NUP210: variants seen among roughly 807,000 people sequenced by gnomAD.
NUP210 encodes nuclear pore membrane glycoprotein 210.
NUP210 carries 151 observed loss-of-function variants against 196.0 expected under a neutral mutation model. That is an observed-to-expected ratio of 0.77 (90% confidence interval 0.67 to 0.88). The LOEUF (loss-of-function observed/expected upper bound fraction) is 0.88, where lower values mean the gene tolerates loss of function less well. NUP210 is among the 40% of genes least tolerant of loss of function. NUP210 has a pLI of 0.00. For synonymous variants in NUP210, 1,070 were observed against 1,052.7 expected (o/e 1.02, Z -0.32); for missense variants, 2,314 against 2,493.7 (o/e 0.93, Z 1.53).
intron 1 of NUP210, among the ~76,000 whole-genome samples, chr3:13,404,450 G>A (rs1218113045): frequency 6.6e-6 from 1 of 152,164 alleles, no homozygotes; most frequent in Non-Finnish European, 1.5e-5. Flanking sequence ...TCTGATGGTA[G>A]GAATATGGGT....
At chr3:13,359,653 T>G (rs374781663) in intron 15 of NUP210, among the ~76,000 whole-genome samples, 1 of 152,108 alleles carries the variant, frequency 6.6e-6, no homozygotes, top group Non-Finnish European at 1.5e-5. Context: ...AACAGAGCAG[T>G]AGATGCCCAC....
chr3:13,333,962 G>A (rs1257840451), intron 28 of NUP210, among the ~76,000 whole-genome samples: 2 of 152,194 alleles, frequency 1.3e-5, no homozygotes, highest in African/African-American at 4.8e-5. Context: ...GGGAGTGGCG[G>A]GGCCTGTGGC....
intron 29 of NUP210, among the ~76,000 whole-genome samples, chr3:13,332,027 C>A (rs1559310720): frequency 6.6e-6 from 1 of 152,048 alleles, no homozygotes; most frequent in Non-Finnish European, 1.5e-5. Context: ...GTTTTTTTCC[C>A]TTTTAAAGAC....
chr3:13,327,177 C>T lies in NUP210; in HGVS notation c.4507+40G>A, dbSNP rs1696792137. On this transcript the variant is annotated intron_variant, in intron 32 of 39. Transcript: ENST00000254508. ...AGCCCCCACCCAGCTTTGCAAGCGT[C>T]CGTGACTCCACAGGTTCCCTTGCTC... The T allele has an allele frequency of 1.9e-6, 3 of 1,555,484 alleles. No homozygotes were observed. In the South Asian group the frequency reaches 3.5e-5, roughly 18 times the overall value.
At chr3:13,407,182 G>A (rs1008504725) in intron 1 of NUP210, among the ~76,000 whole-genome samples, 1 of 152,180 alleles carries the variant, frequency 6.6e-6, no homozygotes, top group African/African-American at 2.4e-5. Flanking sequence ...GAAAAAGGAG[G>A]GGGCTCCCAA....
At chr3:13,394,101 A>C (rs1429847775) in intron 3 of NUP210, among the ~76,000 whole-genome samples, 1 of 152,192 alleles carries the variant, frequency 6.6e-6, no homozygotes, top group African/African-American at 2.4e-5. Context: ...ATCGAAGGGA[A>C]GAACAAGTCC....
At chr3:13,377,896 C>T (rs1373212024) in intron 8 of NUP210, among the ~76,000 whole-genome samples, 2 of 150,498 alleles carry the variant, frequency 1.3e-5, no homozygotes, top group African/African-American at 4.9e-5. Context: ...GGAGGCCCCA[C>T]ACCACCCACC....
At position 13,323,201 on chromosome 3, in the gene NUP210, G is replaced by T. The variant is rs1382875143; in HGVS notation, c.4768+108C>A. On this transcript the variant is annotated intron_variant, in intron 34 of 39. Transcript: ENST00000254508. This position sits in a 1 kb window ranked among gnomAD's most constrained non-coding sequence, Gnocchi z 4.3. Reference sequence around the variant, plus strand: ...GGGGCTAAATGCCCTCTCTGGAGTTGGTGTGAGTGTGAATAGGAGAAGCAG... The same window carrying T: ...GGGGCTAAATGCCCTCTCTGGAGTTTGTGTGAGTGTGAATAGGAGAAGCAG... 3.0e-5 allele frequency: 41 copies of T among 1,373,860 alleles called. No homozygotes were observed. Among genetic ancestry groups the T allele is most frequent in the Non-Finnish European group, 4.0e-5 (40 of 995,700 alleles). The allele number at this position is 1,373,860 out of a possible 1,614,324, so 85.1% of individuals were successfully genotyped here.
rs757564870 is a variant in NUP210 at position 13,319,921 on chromosome 3, G to C, written c.5225C>G (p.Pro1742Arg). Reference protein sequence around the residue: ...AFAKEKSFGWPSFITYTVGVL... With the variant: ...AFAKEKSFGWRSFITYTVGVL... ...GCCGACCGTGTATGTGATGAAGCTG[G>C]GCCACCCAAAAGACTTCTCCTTTGC... Residue 1742 changes from proline (P) to arginine (R), a missense_variant, in exon 37 of 40, where the codon CCC (proline) becomes CGC (arginine). Pro to Arg is a moderately radical substitution (Grantham distance 103). Coordinates refer to ENST00000254508, the MANE Select transcript of NUP210 (RefSeq NM_024923.4). The C allele has an allele frequency of 1.1e-4, 173 of 1,614,196 alleles. 10 individuals carry two copies. The South Asian group carries it at 1.8e-3, about 17-fold the overall frequency.
intron 17 of NUP210, 23 bp downstream of exon 17, chr3:13,353,892 C>A (rs1304148302): frequency 1.3e-6 from 2 of 1,591,558 alleles, no homozygotes; most frequent in Non-Finnish European, 8.6e-7. Flanking sequence ...CTGCCTGGGC[C>A]ATCAGGCTTG....
At chr3:13,396,096 T>C (rs1699640974) in intron 3 of NUP210, among the ~76,000 whole-genome samples, 1 of 152,232 alleles carries the variant, frequency 6.6e-6, no homozygotes, top group South Asian at 2.1e-4. Context: ...GCTAGTGCTC[T>C]AAACAGTGGT....
chr3:13,357,317 C>G (rs1017735884), intron 16 of NUP210, among the ~76,000 whole-genome samples: 1 of 152,198 alleles, frequency 6.6e-6, no homozygotes, highest in East Asian at 1.9e-4. Flanking sequence ...AGCCCCACTC[C>G]GCTCCTCCTG....
intron 28 of NUP210, among the ~76,000 whole-genome samples, chr3:13,333,361 G>A (rs1275848151): frequency 1.3e-5 from 2 of 152,222 alleles, no homozygotes; most frequent in African/African-American, 4.8e-5. Context: ...GGCAGGTAAA[G>A]CTGTGCCCTG....
intron 25 of NUP210, among the ~76,000 whole-genome samples, chr3:13,338,771 G>A (rs1362781139): frequency 1.3e-5 from 2 of 152,172 alleles, no homozygotes; most frequent in Non-Finnish European, 1.5e-5. Flanking sequence ...GGCTCGTGGT[G>A]CAGCCCCTCC....
chr3:13,356,520 G>A (rs1698177622), intron 16 of NUP210, among the ~76,000 whole-genome samples: 2 of 152,162 alleles, frequency 1.3e-5, no homozygotes, highest in Admixed American at 1.3e-4. Context: ...GCGCATGCCT[G>A]TAATCCCAGC....
At chr3:13,361,150 C>T (rs1698355541) in intron 14 of NUP210, among the ~76,000 whole-genome samples, 1 of 152,218 alleles carries the variant, frequency 6.6e-6, no homozygotes, top group Non-Finnish European at 1.5e-5. Context: ...TGGTCCATTC[C>T]CTTCCTTCTG....
chr3:13,325,649 G>T, intron 33 of NUP210, 146 bp downstream of exon 33: 1 of 853,900 alleles, frequency 1.2e-6, no homozygotes, highest in East Asian at 2.5e-5. Context: ...GAGTCAGCAA[G>T]TGGCCAGTCC....
At chr3:13,327,851 T>A (rs1267598028) in intron 31 of NUP210, among the ~76,000 whole-genome samples, 1 of 152,172 alleles carries the variant, frequency 6.6e-6, no homozygotes, top group African/African-American at 2.4e-5. Context: ...CCTTTCCTCC[T>A]CTGAAAAATG....
At position 13,348,846 on chromosome 3, in the gene NUP210, C is replaced by G; in HGVS notation, c.2835+3033G>C. 3 of 985,400 alleles carry G rather than the reference C, an allele frequency of 3.0e-6. No individual in the cohort carries two copies. The highest frequency in any genetic ancestry group is 3.6e-6 in the Non-Finnish European group (3 of 829,930). 61.0% of individuals were successfully genotyped at this position (985,400 alleles called of 1,614,324 possible). On this transcript the variant is annotated intron_variant, in intron 20 of 39. Transcript: ENST00000254508. The surrounding 1 kb of genome is among the most constrained non-coding windows in gnomAD (Gnocchi z 4.0). Reference sequence around the variant, plus strand: ...AAGACAGCTGGAGACCAACATCAAACGCTGAAGGAAGGTTTTCGAAAACAC... The same window carrying G: ...AAGACAGCTGGAGACCAACATCAAAGGCTGAAGGAAGGTTTTCGAAAACAC...
Sources: allele counts gnomAD v4.1 joint callset (sites outside exome capture counted in the v4.1 genomes callset), GRCh38; gene constraint gnomAD v4.1.1; non-coding constraint Gnocchi (gnomAD v3.1); transcripts MANE v1.5; gene names NCBI Gene and HGNC (gene_info 2026-07-23, HGNC 2026-07-21).